The following OPCML variants were observed in gnomAD, a reference collection of about 807,000 sequenced individuals.
OPCML encodes opioid-binding protein/cell adhesion molecule.
A neutral mutation model predicts 37.8 loss-of-function variants in OPCML; 13 were observed. That is an observed-to-expected ratio of 0.34 (90% confidence interval 0.22 to 0.55). The LOEUF (loss-of-function observed/expected upper bound fraction) is 0.55, where lower values mean the gene tolerates loss of function less well. Among genes scored for constraint, OPCML ranks in the 20% least tolerant of loss-of-function variants. The pLI is 0.91. For synonymous variants in OPCML, 176 were observed against 168.8 expected (o/e 1.04, Z -0.33); for missense variants, 341 against 435.6 (o/e 0.78, Z 1.93).
chr11:133,074,654 T>C (rs1009441277), intron 1 of OPCML, among the ~76,000 whole-genome samples: 1 of 152,182 alleles, frequency 6.6e-6, no homozygotes, highest in Admixed American at 6.5e-5. Context: ...CAGGATCCTA[T>C]GTGAAGCTTT....
rs575856016 is a variant in OPCML at position 132,746,811 on chromosome 11, G to T, written c.147-89492C>A. On this transcript the variant is annotated intron_variant, in intron 2 of 7. Coordinates refer to ENST00000524381, the MANE Select transcript of OPCML (RefSeq NM_001012393.5). ...TGCTTGGCACTCTGAGAACTGAAGA[G>T]AAAAGCATGAGATAAAGAGCTGTCC... is the stretch of plus-strand genomic sequence containing the variant. Among the ~76,000 whole-genome samples the T allele has an allele frequency of 8.5e-5, 13 of 152,268 alleles. No individual in the cohort carries two copies. In the East Asian group the frequency reaches 2.1e-3, roughly 25 times the overall value.
At chr11:132,846,424 C>T (rs2136316712) in intron 2 of OPCML, among the ~76,000 whole-genome samples, 1 of 152,312 alleles carries the variant, frequency 6.6e-6, no homozygotes, top group South Asian at 2.1e-4. Flanking sequence ...TTATTTTAGC[C>T]TGCTCCCATG....
chr11:133,412,262 C>A (rs1945666866), intron 1 of OPCML, among the ~76,000 whole-genome samples: 1 of 152,212 alleles, frequency 6.6e-6, no homozygotes, highest in Admixed American at 6.5e-5. Flanking sequence ...GGGCTGTGAT[C>A]TTTAATTGAG....
At chr11:133,249,142 G>T (rs1439708161) in intron 1 of OPCML, among the ~76,000 whole-genome samples, 2 of 152,162 alleles carry the variant, frequency 1.3e-5, no homozygotes, top group Non-Finnish European at 2.9e-5. Flanking sequence ...GAGACTGGGG[G>T]TAATTTATAA....
chr11:133,298,367 A>AAG (rs1942682615), intron 1 of OPCML: 1 of 152,230 alleles, frequency 6.6e-6, no homozygotes, highest in Non-Finnish European at 1.5e-5. Context: ...AATGGTAAAA[A>AAG]TCATCAAATA....
chr11:133,323,119 T>G (rs1295656466), intron 1 of OPCML, among the ~76,000 whole-genome samples: 1 of 152,172 alleles, frequency 6.6e-6, no homozygotes, highest in African/African-American at 2.4e-5. Flanking sequence ...TCTGGATACC[T>G]GTGGTCCAAG....
At chr11:132,820,722 T>A (rs1462400092) in intron 2 of OPCML, among the ~76,000 whole-genome samples, 1 of 152,122 alleles carries the variant, frequency 6.6e-6, no homozygotes, top group African/African-American at 2.4e-5. Flanking sequence ...TCTCAGGCAG[T>A]TTGGTGACAG....
chr11:132,724,090 A>G (rs1177967714), intron 2 of OPCML, among the ~76,000 whole-genome samples: 1 of 152,050 alleles, frequency 6.6e-6, no homozygotes, highest in East Asian at 1.9e-4. Flanking sequence ...GTGGGTCATT[A>G]CTCAAGACCA....
At chr11:132,451,023 TA>T (rs1165464539) in intron 4 of OPCML, among the ~76,000 whole-genome samples, 1 of 152,090 alleles carries the variant, frequency 6.6e-6, no homozygotes, top group East Asian at 1.9e-4. Flanking sequence ...GAAACACAGC[TA>T]AATAAGGAAT....
At chr11:132,474,523 A>G (rs1327154468) in intron 4 of OPCML, among the ~76,000 whole-genome samples, 2 of 152,126 alleles carry the variant, frequency 1.3e-5, no homozygotes. Flanking sequence ...GCATCTGCCC[A>G]GCTCAGCCTC....
At chr11:133,285,795 G>T (rs764482480) in intron 1 of OPCML, among the ~76,000 whole-genome samples, 3 of 152,134 alleles carry the variant, frequency 2.0e-5, no homozygotes, top group Non-Finnish European at 4.4e-5. Context: ...CTAACTAATG[G>T]AAGCATATTG....
At chr11:132,706,036 G>A (rs1242031240) in intron 2 of OPCML, among the ~76,000 whole-genome samples, 1 of 151,912 alleles carries the variant, frequency 6.6e-6, no homozygotes, top group Non-Finnish European at 1.5e-5. Context: ...TCAAACTCCT[G>A]ACCTCATGAT....
chr11:132,742,184 A>G (rs1945455180), intron 2 of OPCML, among the ~76,000 whole-genome samples: 1 of 152,222 alleles, frequency 6.6e-6, no homozygotes, highest in Non-Finnish European at 1.5e-5. Context: ...TACTATTCCA[A>G]TGGATCACTG....
At chr11:133,358,744 A>T (rs1944347597) in intron 1 of OPCML, among the ~76,000 whole-genome samples, 1 of 152,156 alleles carries the variant, frequency 6.6e-6, no homozygotes, top group African/African-American at 2.4e-5. Context: ...GCTATTTCCA[A>T]AAGATGCTCA....
In OPCML at chr11:132,935,501, GATTA is replaced by G. The variant is rs137993478; in HGVS notation, c.146+7421_146+7424del. 6.1e-3 allele frequency among the ~76,000 whole-genome samples: 923 copies of G among 152,278 alleles called. 9 individuals are homozygous for G. The highest frequency in any genetic ancestry group is 0.021 in the African/African-American group (866 of 41,546). On this transcript the variant is annotated intron_variant, in intron 2 of 7. Coordinates refer to ENST00000524381, the MANE Select transcript of OPCML (RefSeq NM_001012393.5). ...TATGATGATTATGCAGTGGAAACTT[GATTA>G]ATTGAGATGCCATAAATCTTCAGAT...
chr11:133,096,124 G>A (rs549222556), intron 1 of OPCML, among the ~76,000 whole-genome samples: 19 of 93,668 alleles, frequency 2.0e-4, no homozygotes, highest in African/African-American at 7.4e-4. Context: ...AGGTATTTGT[G>A]CACAAATGTG....
intron 2 of OPCML, among the ~76,000 whole-genome samples, chr11:132,924,202 G>A (rs1304831552): frequency 6.6e-6 from 1 of 151,958 alleles, no homozygotes; most frequent in Non-Finnish European, 1.5e-5. Flanking sequence ...TAAATAATCT[G>A]ATTACTAAAG....
chr11:133,087,599 T>C (rs1204597625), intron 1 of OPCML, among the ~76,000 whole-genome samples: 2 of 152,260 alleles, frequency 1.3e-5, no homozygotes, highest in Non-Finnish European at 2.9e-5. Flanking sequence ...GAGTTTAACA[T>C]ATTAATTTTC....
chr11:132,690,939 G>T (rs1457091561), intron 2 of OPCML, among the ~76,000 whole-genome samples: 2 of 152,164 alleles, frequency 1.3e-5, no homozygotes, highest in Admixed American at 6.5e-5. Flanking sequence ...AAGAAAACAT[G>T]CAAAATAGGC....
Sources: allele counts gnomAD v4.1 joint callset (sites outside exome capture counted in the v4.1 genomes callset), GRCh38; gene constraint gnomAD v4.1.1; transcripts MANE v1.5; gene names NCBI Gene and HGNC (gene_info 2026-07-23, HGNC 2026-07-21).